HERC4: variants seen among roughly 807,000 people sequenced by gnomAD.
HERC4 encodes the protein probable E3 ubiquitin-protein ligase HERC4.
In HERC4, 28 loss-of-function variants were observed where a neutral mutation model predicts 124.3. That is an observed-to-expected ratio of 0.23 (90% CI 0.17 to 0.31). The LOEUF is 0.31. Among genes scored for constraint, HERC4 ranks in the 10% least tolerant of loss-of-function variants. The pLI is 1.00. For missense variants in HERC4, 713 were observed against 1,229.3 expected, an observed-to-expected ratio of 0.58 and a Z score of 6.28; for synonymous variants, 407 against 421.5, an observed-to-expected ratio of 0.97 and a Z score of 0.42.
intron 8 of HERC4, among the ~76,000 whole-genome samples, chr10:68,018,466 GT>G (rs1317674525): frequency 6.6e-6 from 1 of 152,088 alleles, no homozygotes; most frequent in Non-Finnish European, 1.5e-5. Context: ...GAAACATTAT[GT>G]TACAGTAAAC....
intron 15 of HERC4, among the ~76,000 whole-genome samples, chr10:67,977,097 C>G (rs2035637519): frequency 6.6e-6 from 1 of 152,192 alleles, no homozygotes; most frequent in African/African-American, 2.4e-5. Context: ...GCTGGCACTA[C>G]CCCTCCTTTA....
At position 67,988,707 on chromosome 10, in the gene HERC4, T is replaced by C; in HGVS notation, c.1762A>G (p.Ser588Gly). 2 of 1,596,716 alleles carry C rather than the reference T, an allele frequency of 1.3e-6. No individual in the cohort carries two copies. The highest frequency in any genetic ancestry group is 1.7e-6 in the Non-Finnish European group (2 of 1,173,002). The change falls in exon 15 of 25, where the codon AGT becomes GGT. Residue 588 changes from serine (S) to glycine (G), a missense_variant. Physicochemically the swap from Ser to Gly is moderately conservative, Grantham distance 56 (BLOSUM62 0). Coordinates refer to ENST00000373700, the MANE Select transcript of HERC4 (RefSeq NM_015601.4). ...IPPSERRIFNSFLHTALKVLE... is the reference protein window; with the variant it reads ...IPPSERRIFNGFLHTALKVLE... ...ACCTTTAATGCAGTATGAAGAAAACTGTTGAAAATTCTTCTTTCAGAAGGG... is the reference window on the plus strand; with the variant it reads ...ACCTTTAATGCAGTATGAAGAAAACCGTTGAAAATTCTTCTTTCAGAAGGG...
At chr10:67,955,300 A>G (rs2034067614) in intron 17 of HERC4, 170 bp from the exon 18 acceptor site, 1 of 556,938 alleles carries the variant, frequency 1.8e-6, no homozygotes, top group South Asian at 2.4e-5. Context: ...TAAACTGAGC[A>G]TAAAGAGTAC....
intron 8 of HERC4, among the ~76,000 whole-genome samples, chr10:68,020,091 G>A (rs2038517994): frequency 6.6e-6 from 1 of 152,174 alleles, no homozygotes; most frequent in African/African-American, 2.4e-5. Context: ...TGCATTAGCA[G>A]GGAAAGGTAT....
intron 17 of HERC4, 70 bp downstream of exon 17, chr10:67,956,808 T>A: frequency 9.7e-7 from 1 of 1,034,692 alleles, no homozygotes; most frequent in Non-Finnish European, 1.4e-6. Context: ...TAGGAAAATT[T>A]CAAATATTTA....
rs372356997 is a variant in HERC4 at position 67,922,910 on chromosome 10, T to G, written c.*21A>C. On this transcript the variant is annotated 3_prime_UTR_variant, in exon 25 of 25. Transcript: ENST00000373700. ...ATAGTTTAATGCTTTTGCACTAAACTGAATAGTTATAACTCCAAAGTTATA... is the reference window on the plus strand; with the variant it reads ...ATAGTTTAATGCTTTTGCACTAAACGGAATAGTTATAACTCCAAAGTTATA... 51 of 1,520,264 alleles carry G rather than the reference T, an allele frequency of 3.4e-5. No homozygotes were observed. The highest frequency in any genetic ancestry group is 3.5e-4 in the Middle Eastern group (2 of 5,780). 94.2% of individuals were successfully genotyped at this position (1,520,264 alleles called of 1,614,324 possible). A position where few individuals can be genotyped will look rare whatever the true frequency, so the allele number is the denominator to read the frequency against.
chr10:68,070,209 T>C, intron 3 of HERC4: 1 of 984,292 alleles, frequency 1.0e-6, no homozygotes. Context: ...ATTCACAAAT[T>C]TAAAAAGGGG....
intron 3 of HERC4, among the ~76,000 whole-genome samples, chr10:68,063,935 G>A (rs911824734): frequency 3.3e-5 from 5 of 149,642 alleles, no homozygotes; most frequent in African/African-American, 1.2e-4. Flanking sequence ...GCGAAACTCC[G>A]TCTCAAATAA....
intron 7 of HERC4, among the ~76,000 whole-genome samples, chr10:68,030,434 G>A (rs555657981): frequency 4.9e-4 from 75 of 152,156 alleles, no homozygotes; most frequent in Admixed American, 1.9e-3. Flanking sequence ...GAGTGAGACC[G>A]TGTCCAAAAA....
At chr10:68,020,267 T>C (rs1399094532) in intron 8 of HERC4, among the ~76,000 whole-genome samples, 4 of 152,002 alleles carry the variant, frequency 2.6e-5, no homozygotes, top group Admixed American at 1.3e-4. Context: ...TCACAAGACA[T>C]ACAAAGTAGT....
chr10:68,005,418 ATG>A (rs1267219940), intron 9 of HERC4, among the ~76,000 whole-genome samples: 1 of 151,920 alleles, frequency 6.6e-6, no homozygotes, highest in African/African-American at 2.4e-5. Context: ...TTTTCAGTGT[ATG>A]TGTGTCTTTA....
At position 67,982,068 on chromosome 10, in the gene HERC4, T is replaced by G. The variant is rs532985926; in HGVS notation, c.1806+6595A>C. 2.6e-5 allele frequency among the ~76,000 whole-genome samples: 4 copies of G among 152,326 alleles called. No individual in the cohort carries two copies. In the South Asian group the frequency reaches 6.2e-4, roughly 24 times the overall value. On this transcript the variant is annotated intron_variant, in intron 15 of 24. Coordinates refer to ENST00000373700, the MANE Select transcript of HERC4 (RefSeq NM_015601.4). ...GCAATCTACAGATTCATTGCAATCC[T>G]TATCAAAATACCAATGACATTGATC... is the stretch of plus-strand genomic sequence containing the variant.
chr10:68,051,567 G>C (rs1314100470), intron 3 of HERC4, among the ~76,000 whole-genome samples: 1 of 151,410 alleles, frequency 6.6e-6, no homozygotes, highest in East Asian at 1.9e-4. Context: ...CACCATGTTA[G>C]CCAGGATGGT....
intron 3 of HERC4, among the ~76,000 whole-genome samples, chr10:68,057,549 A>C (rs1347333580): frequency 6.6e-6 from 1 of 151,104 alleles, no homozygotes; most frequent in Non-Finnish European, 1.5e-5. Flanking sequence ...GCTTGAACCC[A>C]GGAGGCAGAG....
intron 3 of HERC4, among the ~76,000 whole-genome samples, chr10:68,071,078 G>A (rs1454965732): frequency 6.6e-6 from 1 of 152,202 alleles, no homozygotes; most frequent in Non-Finnish European, 1.5e-5. Context: ...CTCTTCCACA[G>A]GCTGTGGTGT....
chr10:67,928,920 CA>C (rs796555137), intron 23 of HERC4, among the ~76,000 whole-genome samples: 50 of 141,982 alleles, frequency 3.5e-4, no homozygotes, highest in Non-Finnish European at 2.9e-4. Context: ...GACTCCATCT[CA>C]AAAAAAAAAA....
intron 15 of HERC4, among the ~76,000 whole-genome samples, chr10:67,977,834 T>G (rs1394850369): frequency 6.6e-6 from 1 of 151,194 alleles, no homozygotes; most frequent in Non-Finnish European, 1.5e-5. Context: ...ATACAAAAAT[T>G]AGCCAGCACA....
At chr10:68,025,241 G>C (rs990507978) in intron 8 of HERC4, among the ~76,000 whole-genome samples, 1 of 150,636 alleles carries the variant, frequency 6.6e-6, no homozygotes, top group African/African-American at 2.4e-5. Flanking sequence ...GGAAAGAAAA[G>C]AAAAGAAAAA....
chr10:68,032,869 T>A lies in HERC4; in HGVS notation c.686A>T (p.Asp229Val), dbSNP rs1384231251. Residue 229 changes from aspartate (D) to valine (V), a missense_variant and splice_region_variant, in exon 7 of 25, where the codon GAT (aspartate) becomes GTT (valine). Coordinates refer to ENST00000373700, the MANE Select transcript of HERC4 (RefSeq NM_015601.4). ...FGQLGLNDEN[D>V]RYVPNLLKSL... ...CTTTAGTAAATTAGGAACATACCTA[T>A]CTGAAAATTCCAACAAGAGATGTTA... 1 of 1,425,524 alleles carries A rather than the reference T, an allele frequency of 7.0e-7. No homozygotes were observed. The highest frequency in any genetic ancestry group is 9.9e-7 in the Non-Finnish European group (1 of 1,008,664). 88.3% of individuals were successfully genotyped at this position (1,425,524 alleles called of 1,614,324 possible).
Sources: gnomAD v4.1 joint callset for allele counts (sites outside exome capture counted in the v4.1 genomes callset) on GRCh38, gnomAD v4.1.1 for gene constraint, MANE v1.5 for transcripts, NCBI Gene and HGNC (gene_info 2026-07-23, HGNC 2026-07-21) for gene names.